The following PRKCB variants were observed in gnomAD, a reference collection of about 807,000 sequenced individuals.
The protein encoded by PRKCB is protein kinase C beta type.
Under a neutral mutation model 81.5 loss-of-function variants are expected in PRKCB, and 13 were observed. The observed-to-expected ratio is 0.16, with a 90% CI of 0.10 to 0.25. The LOEUF is 0.25. Among genes scored for constraint, PRKCB ranks in the 10% least tolerant of loss-of-function variants. The probability of loss-of-function intolerance (pLI) is 1.00; values close to 1 mark genes in which losing one functional copy is unlikely to be tolerated. For synonymous variants in PRKCB, 335 were observed against 321.4 expected (o/e 1.04, Z -0.45); for missense variants, 509 against 875.7 (o/e 0.58, Z 5.29).
At chr16:23,865,927 C>CTT in intron 2 of PRKCB, among the ~76,000 whole-genome samples, 1 of 152,252 alleles carries the variant, frequency 6.6e-6, no homozygotes, top group Admixed American at 6.5e-5. Context: ...TCCTCCTCTT[C>CTT]TGGAGTTCAG....
intron 8 of PRKCB, among the ~76,000 whole-genome samples, chr16:24,114,760 G>A (rs184708750): frequency 5.9e-5 from 9 of 152,152 alleles, no homozygotes; most frequent in Non-Finnish European, 1.5e-5. Context: ...GATAAACCAT[G>A]ATGGCCTACT....
At chr16:23,943,689 C>G in intron 2 of PRKCB, among the ~76,000 whole-genome samples, 1 of 152,202 alleles carries the variant, frequency 6.6e-6, no homozygotes, top group Non-Finnish European at 1.5e-5. Context: ...ATGGTTGAGT[C>G]GAATGATTTA....
At chr16:24,032,947 G>C (rs1355641305) in intron 4 of PRKCB, among the ~76,000 whole-genome samples, 1 of 152,230 alleles carries the variant, frequency 6.6e-6, no homozygotes, top group African/African-American at 2.4e-5. Flanking sequence ...TCTTTGCATG[G>C]AGAAGACCTG....
chr16:24,036,236 G>A (rs1004417056), intron 5 of PRKCB, among the ~76,000 whole-genome samples: 2 of 152,012 alleles, frequency 1.3e-5, no homozygotes, highest in Non-Finnish European at 2.9e-5. Flanking sequence ...TGGTGGTGGT[G>A]GGGCTGTCAC....
chr16:24,025,473 T>C (rs558517297), intron 3 of PRKCB, among the ~76,000 whole-genome samples: 36 of 152,344 alleles, frequency 2.4e-4, no homozygotes, highest in African/African-American at 7.7e-4. Context: ...CTCTCACTTA[T>C]TAAGTATTTA....
At chr16:24,162,536 C>G (rs1047597059) in intron 10 of PRKCB, among the ~76,000 whole-genome samples, 1 of 148,754 alleles carries the variant, frequency 6.7e-6, no homozygotes, top group Non-Finnish European at 1.5e-5. Context: ...GCAGCCTGGA[C>G]CTCCTGGGCT....
rs8048554 is a variant in PRKCB at position 24,093,055 on chromosome 16, C to A, written c.686+108C>A. The A allele has an allele frequency of 7.0e-3, 8,380 of 1,190,730 alleles. 475 individuals carry two copies. In the African/African-American group the frequency reaches 0.11, roughly 16 times the overall value. 73.8% of individuals were successfully genotyped at this position (1,190,730 alleles called of 1,614,324 possible). A position where few individuals can be genotyped will look rare whatever the true frequency, so the allele number is the denominator to read the frequency against. ...AGCTCCTGTTTCCTTCCTTCCCTAC[C>A]TCCCTCCTTTTCTGTCTTCTCCATC... On this transcript the variant is annotated intron_variant, in intron 6 of 16. Transcript: ENST00000643927.
At chr16:24,062,768 GC>G in intron 5 of PRKCB, among the ~76,000 whole-genome samples, 1 of 152,168 alleles carries the variant, frequency 6.6e-6, no homozygotes, top group Non-Finnish European at 1.5e-5. Context: ...GACATTACTG[GC>G]CCCTCACTCA....
intron 2 of PRKCB, among the ~76,000 whole-genome samples, chr16:23,858,582 G>A (rs543293642): frequency 1.3e-5 from 2 of 151,906 alleles, no homozygotes; most frequent in Admixed American, 6.6e-5. Flanking sequence ...CACATGTGTA[G>A]ATTTTTTTAG....
chr16:23,835,998 G>C lies in PRKCB; in HGVS notation c.-178G>C, dbSNP rs1962144960. ...AAGCGCAGCTGGACGAGCGGCAGCA[G>C]CTGGGCGAGTGACAGCCCCGGCTCC... On this transcript the variant is annotated 5_prime_UTR_variant, in exon 1 of 17. Coordinates refer to ENST00000643927, the MANE Select transcript of PRKCB (RefSeq NM_002738.7). 1 of 218,882 alleles carries C rather than the reference G, an allele frequency of 4.6e-6. No individual in the cohort carries two copies. The highest frequency in any genetic ancestry group is 7.7e-6 in the Non-Finnish European group (1 of 129,586). The allele number at this position is 218,882 out of a possible 1,614,324, so 13.6% of individuals were successfully genotyped here. A position where few individuals can be genotyped will look rare whatever the true frequency, so the allele number is the denominator to read the frequency against.
chr16:24,100,521 G>C (rs988251140), intron 7 of PRKCB, among the ~76,000 whole-genome samples: 1 of 152,156 alleles, frequency 6.6e-6, no homozygotes, highest in Non-Finnish European at 1.5e-5. Context: ...CCCCTGAGGA[G>C]TCTTTTCTGC....
Position 24,084,627 on chromosome 16 carries a change from A to G in PRKCB, c.530-8164A>G, listed in dbSNP as rs142888493. On this transcript the variant is annotated intron_variant, in intron 5 of 16. Transcript: ENST00000643927. ...AAATTAGTGATATATTAACTTGTTA[A>G]GGAAACCTCATTAAATTCCCTCCAA... Among the ~76,000 whole-genome samples, 1,420 of 152,300 alleles carry G rather than the reference A, an allele frequency of 9.3e-3. 15 individuals are homozygous for G. Among genetic ancestry groups the G allele is most frequent in the Non-Finnish European group, 0.014 (945 of 68,024 alleles).
intron 5 of PRKCB, among the ~76,000 whole-genome samples, chr16:24,091,100 A>C (rs913681661): frequency 6.6e-6 from 1 of 152,192 alleles, no homozygotes; most frequent in African/African-American, 2.4e-5. Flanking sequence ...AAAAGTATTA[A>C]ATAATGGCTA....
intron 3 of PRKCB, among the ~76,000 whole-genome samples, chr16:24,028,563 A>G (rs1378638321): frequency 6.6e-6 from 1 of 152,226 alleles, no homozygotes; most frequent in African/African-American, 2.4e-5. Context: ...TGTTTTTCAG[A>G]ACATTTAGAA....
intron 2 of PRKCB, among the ~76,000 whole-genome samples, chr16:23,966,001 AT>A (rs1964482429): frequency 6.6e-6 from 1 of 152,190 alleles, no homozygotes. Context: ...ACCATCTGTG[AT>A]TTTACACATT....
chr16:23,920,611 C>G (rs573473697), intron 2 of PRKCB, among the ~76,000 whole-genome samples: 8 of 152,268 alleles, frequency 5.3e-5, no homozygotes, highest in African/African-American at 1.9e-4. Flanking sequence ...GGGAAGGTTA[C>G]CCAGCTTTCC....
At chr16:23,932,744 T>C (rs187156762) in intron 2 of PRKCB, among the ~76,000 whole-genome samples, 4 of 152,322 alleles carry the variant, frequency 2.6e-5, no homozygotes, top group Non-Finnish European at 1.5e-5. Context: ...TTCCTGACAA[T>C]CCTGCATTGA....
At chr16:24,035,106 G>A (rs1965596715) in intron 4 of PRKCB, among the ~76,000 whole-genome samples, 1 of 152,222 alleles carries the variant, frequency 6.6e-6, no homozygotes, top group African/African-American at 2.4e-5. Flanking sequence ...GCCAGCCTGT[G>A]AGCATTGAAG....
At chr16:23,972,500 A>G (rs760765870) in intron 2 of PRKCB, among the ~76,000 whole-genome samples, 2 of 152,058 alleles carry the variant, frequency 1.3e-5, no homozygotes, top group Non-Finnish European at 2.9e-5. Context: ...CATTTTATCT[A>G]TTTCCTTTCA....
Sources: allele counts gnomAD v4.1 joint callset (sites outside exome capture counted in the v4.1 genomes callset), GRCh38; gene constraint gnomAD v4.1.1; transcripts MANE v1.5; gene names NCBI Gene and HGNC (gene_info 2026-07-23, HGNC 2026-07-21).